Variants in ITPR1 observed in about 807,000 individuals in gnomAD.
The protein encoded by ITPR1 is inositol 1,4,5-trisphosphate-gated calcium channel ITPR1.
A neutral mutation model predicts 318.4 loss-of-function variants in ITPR1; 96 were observed. The ratio of observed to expected loss-of-function variants is 0.30; its 90% CI spans 0.26 to 0.36. The LOEUF (loss-of-function observed/expected upper bound fraction) is 0.36. Among genes scored for constraint, ITPR1 ranks in the 10% least tolerant of loss-of-function variants. The probability of loss-of-function intolerance (pLI) is 1.00; values close to 1 mark genes in which losing one functional copy is unlikely to be tolerated. For synonymous variants in ITPR1, 1,312 were observed against 1,289.9 expected, an observed-to-expected ratio of 1.02 and a Z score of -0.37; for missense variants, 2,440 against 3,460.2, an observed-to-expected ratio of 0.71 and a Z score of 7.40.
chr3:4,788,188 T>G, intron 52 of ITPR1, 49 bp downstream of exon 52: 1 of 1,463,064 alleles, frequency 6.8e-7, no homozygotes, highest in Non-Finnish European at 9.4e-7. Flanking sequence ...AGTTCTGGGA[T>G]TTCACAAACT....
chr3:4,807,055 T>G, intron 55 of ITPR1, among the ~76,000 whole-genome samples: 1 of 146,400 alleles, frequency 6.8e-6, no homozygotes, highest in Non-Finnish European at 1.5e-5. Flanking sequence ...GGCCTAAGGG[T>G]TGGCTTACAA....
At chr3:4,706,482 T>G (rs1243771392) in intron 37 of ITPR1, 131 bp downstream of exon 37, 5 of 742,182 alleles carry the variant, frequency 6.7e-6, no homozygotes, top group Non-Finnish European at 1.0e-5. Context: ...GAACGAATAG[T>G]CAAATGTTAT....
chr3:4,600,599 A>G (rs2091199327), intron 4 of ITPR1, among the ~76,000 whole-genome samples: 2 of 152,128 alleles, frequency 1.3e-5, no homozygotes, highest in South Asian at 4.1e-4. Flanking sequence ...TTTGTCAAAT[A>G]TATGTGAATG....
At chr3:4,744,170 G>A (rs1445485891) in intron 44 of ITPR1, among the ~76,000 whole-genome samples, 1 of 152,174 alleles carries the variant, frequency 6.6e-6, no homozygotes, top group African/African-American at 2.4e-5. Flanking sequence ...TCTTCAGAGA[G>A]AACCTCAGGT....
intron 3 of ITPR1, among the ~76,000 whole-genome samples, chr3:4,519,937 G>A (rs558454048): frequency 3.3e-5 from 5 of 152,276 alleles, no homozygotes; most frequent in African/African-American, 9.6e-5. Flanking sequence ...TTGGTCGGGG[G>A]GGCTTTGTGG....
chr3:4,784,175 A>G (rs1687621447), intron 51 of ITPR1, among the ~76,000 whole-genome samples: 1 of 152,190 alleles, frequency 6.6e-6, no homozygotes, highest in African/African-American at 2.4e-5. Context: ...GGGAGGCATC[A>G]TAAGAAAGTC....
At chr3:4,579,466 C>G (rs1284045362) in intron 4 of ITPR1, among the ~76,000 whole-genome samples, 2 of 152,088 alleles carry the variant, frequency 1.3e-5, no homozygotes, top group African/African-American at 4.8e-5. Context: ...GATATAGATT[C>G]TGTAACCTGA....
chr3:4,722,545 C>T (rs2042236079), intron 40 of ITPR1, among the ~76,000 whole-genome samples: 1 of 152,172 alleles, frequency 6.6e-6, no homozygotes, highest in Non-Finnish European at 1.5e-5. Context: ...GGGTATTATA[C>T]ATTGTATTTA....
chr3:4,503,367 T>C (rs2081170346), intron 2 of ITPR1, among the ~76,000 whole-genome samples: 1 of 152,144 alleles, frequency 6.6e-6, no homozygotes, highest in Non-Finnish European at 1.5e-5. Flanking sequence ...GGGCAAAACA[T>C]GGAACATCTG....
intron 3 of ITPR1, among the ~76,000 whole-genome samples, chr3:4,520,281 G>C (rs2082459915): frequency 6.6e-6 from 1 of 152,180 alleles, no homozygotes; most frequent in South Asian, 2.1e-4. Context: ...TAAAAGAATT[G>C]TGCAAGTTAG....
chr3:4,843,283 T>C (rs2051503464), intron 61 of ITPR1, among the ~76,000 whole-genome samples: 1 of 152,176 alleles, frequency 6.6e-6, no homozygotes, highest in African/African-American at 2.4e-5. Flanking sequence ...ATATGCTCAG[T>C]TGCAGACAAT....
intron 61 of ITPR1, 58 bp from the exon 62 acceptor site, chr3:4,846,081 T>C (rs41311609): frequency 7.2e-5 from 72 of 994,420 alleles, no homozygotes; most frequent in Non-Finnish European, 1.0e-4. Flanking sequence ...TGGTTCAGTA[T>C]GCGATTTGAC....
intron 44 of ITPR1, 131 bp from the exon 45 acceptor site, chr3:4,766,399 T>C: frequency 2.9e-6 from 2 of 682,546 alleles, no homozygotes; most frequent in South Asian, 1.9e-5. Flanking sequence ...TGGTCCTTAA[T>C]GTTGATCTAA....
intron 4 of ITPR1, among the ~76,000 whole-genome samples, chr3:4,569,463 A>T (rs2087748842): frequency 1.3e-5 from 2 of 152,234 alleles, no homozygotes; most frequent in African/African-American, 4.8e-5. Flanking sequence ...GGAAAAATGA[A>T]TATTGAGCGT....
intron 60 of ITPR1, among the ~76,000 whole-genome samples, chr3:4,830,317 A>G (rs974957667): frequency 2.6e-5 from 4 of 152,048 alleles, no homozygotes; most frequent in Non-Finnish European, 5.9e-5. Context: ...GCTACTGAAC[A>G]TAAAGATGAC....
At chr3:4,809,148 G>T (rs1264081269) in intron 55 of ITPR1, among the ~76,000 whole-genome samples, 2 of 152,206 alleles carry the variant, frequency 1.3e-5, no homozygotes. Context: ...AAATGGGCAT[G>T]ATTCTTTACT....
At chr3:4,626,583 G>C (rs1164441580) in intron 4 of ITPR1, among the ~76,000 whole-genome samples, 2 of 152,068 alleles carry the variant, frequency 1.3e-5, no homozygotes, top group Non-Finnish European at 2.9e-5. Context: ...GAAATCTTTT[G>C]AAGCCACTTG....
intron 44 of ITPR1, chr3:4,749,094 A>G (rs2044314986): frequency 6.6e-6 from 1 of 152,238 alleles, no homozygotes; most frequent in African/African-American, 2.4e-5. Flanking sequence ...AGCTCCCTGT[A>G]ATGCAAGGTC....
chr3:4,584,972 A>G (rs920505574), intron 4 of ITPR1, among the ~76,000 whole-genome samples: 1 of 152,198 alleles, frequency 6.6e-6, no homozygotes, highest in African/African-American at 2.4e-5. Flanking sequence ...TGAATGTGAA[A>G]CACCAGAATG....
Sources: gnomAD v4.1 joint callset for allele counts (sites outside exome capture counted in the v4.1 genomes callset) on GRCh38, gnomAD v4.1.1 for gene constraint, MANE v1.5 for transcripts, NCBI Gene and HGNC (gene_info 2026-07-23, HGNC 2026-07-21) for gene names.